Variants in GABRG3 observed in about 807,000 individuals in gnomAD.
GABRG3 encodes the protein gamma-aminobutyric acid receptor subunit gamma-3.
GABRG3 carries 25 observed loss-of-function variants against 48.8 expected under a neutral mutation model. That is an observed-to-expected ratio of 0.51 (90% CI 0.37 to 0.72). The LOEUF (loss-of-function observed/expected upper bound fraction) is 0.72, where lower values mean the gene tolerates loss of function less well. Among genes scored for constraint, GABRG3 ranks in the 30% least tolerant of loss-of-function variants. The pLI is 0.00. For missense variants in GABRG3, 394 were observed against 577.9 expected (o/e 0.68, Z 3.26); for synonymous variants, 227 against 217.6 (o/e 1.04, Z -0.38).
At chr15:27,154,398 G>A (rs1898379887) in intron 3 of GABRG3, among the ~76,000 whole-genome samples, 1 of 152,080 alleles carries the variant, frequency 6.6e-6, no homozygotes, top group African/African-American at 2.4e-5. Context: ...TTGAGAGTGG[G>A]CATCCCTGAA....
At chr15:27,057,578 A>G (rs1896572316) in intron 3 of GABRG3, among the ~76,000 whole-genome samples, 1 of 152,106 alleles carries the variant, frequency 6.6e-6, no homozygotes, top group South Asian at 2.1e-4. Context: ...AGCCCCCTGG[A>G]AAGGCCTCTG....
At chr15:27,189,077 A>G (rs1268668825) in intron 3 of GABRG3, among the ~76,000 whole-genome samples, 2 of 152,012 alleles carry the variant, frequency 1.3e-5, no homozygotes, top group Non-Finnish European at 2.9e-5. Context: ...GTTCTGTTCC[A>G]TTGATCTATA....
chr15:27,231,045 G>T (rs1489145098), intron 3 of GABRG3, among the ~76,000 whole-genome samples: 2 of 150,996 alleles, frequency 1.3e-5, no homozygotes, highest in East Asian at 3.9e-4. Flanking sequence ...GTGTGTGTGT[G>T]TGTGATTTCT....
At chr15:27,043,507 C>T (rs1896312624) in intron 3 of GABRG3, among the ~76,000 whole-genome samples, 4 of 152,164 alleles carry the variant, frequency 2.6e-5, no homozygotes. Context: ...TAGGAAGTCC[C>T]CTCTGTTTTA....
intron 3 of GABRG3, among the ~76,000 whole-genome samples, chr15:27,155,854 C>G (rs540520571): frequency 4.3e-4 from 65 of 152,114 alleles, no homozygotes; most frequent in Non-Finnish European, 8.5e-4. Flanking sequence ...CTCGTCAGCA[C>G]TCTCTGAAAC....
chr15:27,062,300 A>G (rs1381398766), intron 3 of GABRG3, among the ~76,000 whole-genome samples: 2 of 151,876 alleles, frequency 1.3e-5, no homozygotes, highest in Non-Finnish European at 2.9e-5. Flanking sequence ...GACCACTTTT[A>G]AAAGACTGAG....
intron 3 of GABRG3, among the ~76,000 whole-genome samples, chr15:27,159,970 A>G (rs1898536595): frequency 6.6e-6 from 1 of 152,144 alleles, no homozygotes; most frequent in South Asian, 2.1e-4. Context: ...GCCAACCTCC[A>G]TGGCCACAGA....
At chr15:27,368,324 C>T (rs546388171) in intron 5 of GABRG3, among the ~76,000 whole-genome samples, 1 of 152,264 alleles carries the variant, frequency 6.6e-6, no homozygotes, top group Admixed American at 6.5e-5. Context: ...TGGACACGCA[C>T]ACATACATGC....
chr15:27,409,019 C>T (rs1887718884), intron 5 of GABRG3, among the ~76,000 whole-genome samples: 1 of 152,086 alleles, frequency 6.6e-6, no homozygotes, highest in Non-Finnish European at 1.5e-5. Context: ...TTTCCAGACC[C>T]ACCTTTCTGG....
At chr15:27,387,354 A>C (rs768291756) in intron 5 of GABRG3, among the ~76,000 whole-genome samples, 3 of 152,128 alleles carry the variant, frequency 2.0e-5, no homozygotes, top group Non-Finnish European at 4.4e-5. Context: ...TTAGCAAGAA[A>C]TAAATGGGTT....
chr15:27,068,031 A>G (rs1304193688), intron 3 of GABRG3, among the ~76,000 whole-genome samples: 55 of 152,244 alleles, frequency 3.6e-4, no homozygotes, highest in Admixed American at 3.6e-3. Flanking sequence ...AAAGGAGCAC[A>G]TTAAAAAGAA....
intron 5 of GABRG3, among the ~76,000 whole-genome samples, chr15:27,386,198 C>G (rs576032055): frequency 6.6e-6 from 1 of 152,252 alleles, no homozygotes; most frequent in Non-Finnish European, 1.5e-5. Context: ...GCACACTTTA[C>G]TGGTGACAAC....
chr15:27,111,522 A>G (rs1042279676), intron 3 of GABRG3, among the ~76,000 whole-genome samples: 1 of 152,196 alleles, frequency 6.6e-6, no homozygotes, highest in Non-Finnish European at 1.5e-5. Context: ...GTTTCTCGCT[A>G]GACTGCTGGC....
At chr15:27,509,118 C>T (rs985606348) in intron 6 of GABRG3, among the ~76,000 whole-genome samples, 1 of 152,108 alleles carries the variant, frequency 6.6e-6, no homozygotes, top group East Asian at 1.9e-4. Flanking sequence ...CTTTTTCTTT[C>T]AGAAACTTAA....
At chr15:27,062,610 AAAAC>A (rs1336028089) in intron 3 of GABRG3, among the ~76,000 whole-genome samples, 3 of 151,966 alleles carry the variant, frequency 2.0e-5, no homozygotes, top group Non-Finnish European at 4.4e-5. Context: ...TGTGTTTCAA[AAAAC>A]AAACAAACCA....
chr15:27,223,074 G>T (rs2140442006), intron 3 of GABRG3, among the ~76,000 whole-genome samples: 1 of 152,318 alleles, frequency 6.6e-6, no homozygotes, highest in East Asian at 1.9e-4. Flanking sequence ...ATTTTAAAAG[G>T]ATGAAAAGTG....
intron 9 of GABRG3, among the ~76,000 whole-genome samples, 169 bp downstream of exon 9, chr15:27,528,161 A>G (rs1891327058): frequency 6.6e-6 from 1 of 152,192 alleles, no homozygotes; most frequent in Non-Finnish European, 1.5e-5. Flanking sequence ...CAACTTTGAC[A>G]ATTTGGAAAT....
At chr15:27,514,088 A>T (rs1890963305) in intron 6 of GABRG3, among the ~76,000 whole-genome samples, 1 of 152,248 alleles carries the variant, frequency 6.6e-6, no homozygotes, top group African/African-American at 2.4e-5. Context: ...AACAGTGTTT[A>T]TGAAAAATTT....
chr15:27,489,586 G>T (rs1890299696), intron 6 of GABRG3, among the ~76,000 whole-genome samples: 2 of 152,136 alleles, frequency 1.3e-5, no homozygotes, highest in African/African-American at 4.8e-5. Flanking sequence ...ACATGAGAGG[G>T]TATCTCATTG....
Sources: allele counts gnomAD v4.1 joint callset (sites outside exome capture counted in the v4.1 genomes callset), GRCh38; gene constraint gnomAD v4.1.1; transcripts MANE v1.5; gene names NCBI Gene and HGNC (gene_info 2026-07-23, HGNC 2026-07-21).